The following ARPP21 variants were observed in gnomAD, a reference collection of about 807,000 sequenced individuals.
ARPP21 encodes the protein cAMP-regulated phosphoprotein 21.
A neutral mutation model predicts 113.2 loss-of-function variants in ARPP21; 69 were observed. The observed-to-expected ratio is 0.61, with a 90% confidence interval of 0.50 to 0.74. The LOEUF (loss-of-function observed/expected upper bound fraction) is 0.74. Among genes scored for constraint, ARPP21 ranks in the 30% least tolerant of loss-of-function variants. The probability of loss-of-function intolerance (pLI) is 0.00; values close to 1 mark genes in which losing one functional copy is unlikely to be tolerated. For missense variants in ARPP21, 1,070 were observed against 1,037.4 expected, an observed-to-expected ratio of 1.03 and a Z score of -0.43; for synonymous variants, 368 against 375.5, an observed-to-expected ratio of 0.98 and a Z score of 0.23.
At chr3:35,758,496 C>T (rs192203018) in intron 19 of ARPP21, among the ~76,000 whole-genome samples, 3 of 152,042 alleles carry the variant, frequency 2.0e-5, no homozygotes, top group Admixed American at 2.0e-4. Flanking sequence ...AAGGAGCTCA[C>T]ACTCTTTGAG....
At position 35,690,896 on chromosome 3, in the gene ARPP21, T is replaced by G; in HGVS notation, c.577T>G (p.Ser193Ala). 1 of 1,610,428 alleles carries G rather than the reference T, an allele frequency of 6.2e-7. No homozygotes were observed. Among genetic ancestry groups the G allele is most frequent in the African/African-American group, 1.3e-5 (1 of 74,718 alleles). ...NHYKKFPQMS[S>A]YQRMLVHRVA... The stretch of plus-strand genomic sequence containing the variant: ...TTATAAAAAGTTCCCTCAGATGTCA[T>G]CGTATCAGAGGATGCTTGTCCATCG... The change falls in exon 9 of 21, where the codon TCG becomes GCG. Residue 193 changes from serine (S) to alanine (A), a missense_variant. Transcript: ENST00000684406.
At position 35,794,219 on chromosome 3, in the gene ARPP21, A is replaced by C; in HGVS notation, c.*261A>C. On this transcript the variant is annotated 3_prime_UTR_variant, in exon 21 of 21. Coordinates refer to ENST00000684406, the MANE Select transcript of ARPP21 (RefSeq NM_001385562.1). Reference sequence around the variant, plus strand: ...AAGGTAAGATTTTCTCCTACCACTGAATACCACTGTGTAGATTATAATATC... The same window carrying C: ...AAGGTAAGATTTTCTCCTACCACTGCATACCACTGTGTAGATTATAATATC... The C allele has an allele frequency of 1.9e-6, 1 of 530,496 alleles. No individual in the cohort carries two copies. The highest frequency in any genetic ancestry group is 2.4e-5 in the South Asian group (1 of 42,266). The allele number at this position is 530,496 out of a possible 1,614,324, so 32.9% of individuals were successfully genotyped here.
At chr3:35,694,012 GTTC>G (rs2083041196) in intron 9 of ARPP21, among the ~76,000 whole-genome samples, 2 of 151,446 alleles carry the variant, frequency 1.3e-5, no homozygotes, top group South Asian at 2.1e-4. Flanking sequence ...CTTTTATATT[GTTC>G]TTCTTCAGTG....
chr3:35,660,638 T>C (rs1039197194), intron 1 of ARPP21, among the ~76,000 whole-genome samples: 8 of 152,196 alleles, frequency 5.3e-5, no homozygotes, highest in South Asian at 2.1e-4. Flanking sequence ...GAGGTTAAGA[T>C]AATGACTAAC....
intron 15 of ARPP21, among the ~76,000 whole-genome samples, chr3:35,731,644 CT>C (rs1158873216): frequency 6.6e-6 from 1 of 151,098 alleles, no homozygotes; most frequent in Non-Finnish European, 1.5e-5. Context: ...ATAGGTCTAT[CT>C]TTAGTATATG....
intron 13 of ARPP21, among the ~76,000 whole-genome samples, chr3:35,717,972 A>T (rs1042501817): frequency 6.6e-6 from 1 of 152,166 alleles, no homozygotes; most frequent in African/African-American, 2.4e-5. Flanking sequence ...TTCAATGTAT[A>T]TCTGACATCC....
At chr3:35,690,188 G>C in intron 8 of ARPP21, 48 bp downstream of exon 8, 1 of 884,036 alleles carries the variant, frequency 1.1e-6, no homozygotes, top group Non-Finnish European at 1.9e-6. Context: ...ATCCTAGTTT[G>C]GTATTGGAGT....
In ARPP21 at chr3:35,679,855, A is replaced by G. The variant is rs1235927881; in HGVS notation, c.-144A>G. On this transcript the variant is annotated 5_prime_UTR_variant, in exon 2 of 21. The change abolishes an upstream ATG in the 5' untranslated region. Transcript: ENST00000684406. Reference sequence around the variant, plus strand: ...GGCATTCCGAACTGTTAATGGGGACATGGGACTCCAGTTGTCTCTGATCAC... The same window carrying G: ...GGCATTCCGAACTGTTAATGGGGACGTGGGACTCCAGTTGTCTCTGATCAC... 1 of 152,342 alleles carries G rather than the reference A, an allele frequency of 6.6e-6. No individual in the cohort carries two copies. The highest frequency in any genetic ancestry group is 1.5e-5 in the Non-Finnish European group (1 of 67,908). 9.4% of individuals were successfully genotyped at this position (152,342 alleles called of 1,614,324 possible).
intron 1 of ARPP21, chr3:35,641,467 C>G (rs972678957): frequency 2.6e-5 from 4 of 151,998 alleles, no homozygotes; most frequent in African/African-American, 9.7e-5. Flanking sequence ...GATAAATACA[C>G]CTACTCCTTT....
intron 6 of ARPP21, among the ~76,000 whole-genome samples, chr3:35,688,561 A>C (rs1217283764): frequency 6.6e-6 from 1 of 151,630 alleles, no homozygotes; most frequent in Non-Finnish European, 1.5e-5. Context: ...TACCATGAGT[A>C]AACAGGCTTG....
chr3:35,789,386 A>G (rs142668959), intron 19 of ARPP21, among the ~76,000 whole-genome samples: 2 of 152,346 alleles, frequency 1.3e-5, no homozygotes, highest in African/African-American at 2.4e-5. Flanking sequence ...ACCTTCTGTG[A>G]CATAATTTAA....
Position 35,743,921 on chromosome 3 carries a change from A to T in ARPP21, c.2093A>T (p.Asn698Ile). ...QYRPMAPVQY[N>I]AQRSQQMPQA... The stretch of plus-strand genomic sequence containing the variant: ...CGGCCCATGGCCCCGGTTCAGTACA[A>T]CGCTCAGAGGAGTCAACAGATGCCA... The change falls in exon 19 of 21, where the codon AAC becomes ATC. Residue 698 changes from asparagine (N) to isoleucine (I), a missense_variant. Coordinates refer to ENST00000684406, the MANE Select transcript of ARPP21 (RefSeq NM_001385562.1). The T allele has an allele frequency of 6.2e-7, 1 of 1,614,160 alleles. No homozygotes were observed. Among genetic ancestry groups the T allele is most frequent in the Non-Finnish European group, 8.5e-7 (1 of 1,179,994 alleles).
intron 9 of ARPP21, among the ~76,000 whole-genome samples, chr3:35,698,331 G>T (rs184132025): frequency 6.6e-6 from 1 of 151,476 alleles, no homozygotes; most frequent in East Asian, 2.0e-4. Context: ...TAAGTTTGTC[G>T]TATTCCTTTC....
intron 19 of ARPP21, among the ~76,000 whole-genome samples, chr3:35,777,307 C>T (rs886331668): frequency 1.3e-5 from 2 of 152,170 alleles, no homozygotes; most frequent in Non-Finnish European, 2.9e-5. Flanking sequence ...CTGATAGCTA[C>T]CTGACCTTCA....
chr3:35,644,690 G>T (rs1186595801), intron 1 of ARPP21, among the ~76,000 whole-genome samples: 1 of 151,802 alleles, frequency 6.6e-6, no homozygotes, highest in African/African-American at 2.4e-5. Flanking sequence ...AAAAACAAAG[G>T]GGTTTGTTTG....
intron 19 of ARPP21, among the ~76,000 whole-genome samples, chr3:35,760,304 G>A (rs184288138): frequency 6.6e-6 from 1 of 152,028 alleles, no homozygotes; most frequent in Non-Finnish European, 1.5e-5. Context: ...TGGCCCTCAG[G>A]GTTGGTGGCA....
intron 18 of ARPP21, among the ~76,000 whole-genome samples, chr3:35,742,902 A>G (rs1357576326): frequency 6.6e-6 from 1 of 152,230 alleles, no homozygotes; most frequent in East Asian, 1.9e-4. Context: ...GATCAGTAAG[A>G]AAGTGACCTT....
At chr3:35,642,196 C>A (rs541468404) in intron 1 of ARPP21, 4 of 152,286 alleles carry the variant, frequency 2.6e-5, no homozygotes, top group African/African-American at 4.8e-5. Flanking sequence ...GCTGATCTCC[C>A]AGTGACTTTC....
intron 18 of ARPP21, among the ~76,000 whole-genome samples, chr3:35,742,146 A>T (rs953354367): frequency 6.6e-6 from 1 of 152,230 alleles, no homozygotes; most frequent in Non-Finnish European, 1.5e-5. Context: ...TTTATGTTTT[A>T]TATTGAACAT....
Sources: gnomAD v4.1 joint callset for allele counts (sites outside exome capture counted in the v4.1 genomes callset) on GRCh38, gnomAD v4.1.1 for gene constraint, MANE v1.5 for transcripts, NCBI Gene and HGNC (gene_info 2026-07-23, HGNC 2026-07-21) for gene names.